Variants in PLCL1 observed in about 807,000 individuals in gnomAD.
PLCL1 encodes the protein phospholipase C like 1 (inactive).
A neutral mutation model predicts 84.4 loss-of-function variants in PLCL1; 41 were observed. That is an observed-to-expected ratio of 0.49 (90% CI 0.38 to 0.63). The LOEUF is 0.63. PLCL1 is among the 30% of genes least tolerant of loss of function. PLCL1 has a pLI of 0.00. For missense variants in PLCL1, 1,206 were observed against 1,367.8 expected (o/e 0.88, Z 1.87); for synonymous variants, 490 against 488.3 (o/e 1.00, Z -0.05).
chr2:198,006,347 A>C (rs2105825423), intron 1 of PLCL1, among the ~76,000 whole-genome samples: 1 of 152,296 alleles, frequency 6.6e-6, no homozygotes, highest in African/African-American at 2.4e-5. Flanking sequence ...AATTTTTGGT[A>C]CAATAGGGTA....
At chr2:198,040,022 T>C (rs1194656915) in intron 1 of PLCL1, among the ~76,000 whole-genome samples, 1 of 152,200 alleles carries the variant, frequency 6.6e-6, no homozygotes, top group South Asian at 2.1e-4. Flanking sequence ...TAGATCAGAT[T>C]TGGACATTTT....
At chr2:198,100,660 A>T (rs763884788) in intron 3 of PLCL1, among the ~76,000 whole-genome samples, 3 of 152,104 alleles carry the variant, frequency 2.0e-5, no homozygotes, top group African/African-American at 7.2e-5. Flanking sequence ...GTAGTTTTGG[A>T]TGATGATTCT....
At chr2:197,880,942 T>A (rs893185434) in intron 1 of PLCL1, among the ~76,000 whole-genome samples, 2 of 152,242 alleles carry the variant, frequency 1.3e-5, no homozygotes, top group Non-Finnish European at 2.9e-5. Flanking sequence ...TATGCCCATC[T>A]GAAAATGTCT....
At chr2:197,890,772 A>G (rs1454088905) in intron 1 of PLCL1, among the ~76,000 whole-genome samples, 1 of 146,688 alleles carries the variant, frequency 6.8e-6, no homozygotes, top group African/African-American at 2.5e-5. Flanking sequence ...ACATATATAC[A>G]CATATATATG....
chr2:197,890,643 T>C (rs1458038031), intron 1 of PLCL1, among the ~76,000 whole-genome samples: 2 of 148,900 alleles, frequency 1.3e-5, no homozygotes, highest in African/African-American at 2.5e-5. Context: ...TCCAGGATCA[T>C]TATAGACTTA....
intron 5 of PLCL1, among the ~76,000 whole-genome samples, chr2:198,105,632 G>A (rs1693457735): frequency 6.6e-6 from 1 of 151,300 alleles, no homozygotes; most frequent in Non-Finnish European, 1.5e-5. Flanking sequence ...GTGTGTGTGT[G>A]TGTGTGTTTA....
rs112582985 is a variant in PLCL1 at position 197,881,521 on chromosome 2, C to CTGTGTGTGTGTGTGTGTG, written c.240+76183_240+76200dup. On this transcript the variant is annotated intron_variant, in intron 1 of 5. Coordinates refer to ENST00000428675, the MANE Select transcript of PLCL1 (RefSeq NM_006226.4). ...TCTGTCTGGAAGAAGGAACAGTGCT[C>CTGTGTGTGTGTGTGTGTG]TGTGTGTGTGTGTGTGTGAGCTAGT... Among the ~76,000 whole-genome samples the CTGTGTGTGTGTGTGTGTG allele has an allele frequency of 1.6e-3, 248 of 151,014 alleles. 1 individual carries two copies. Among genetic ancestry groups the CTGTGTGTGTGTGTGTGTG allele is most frequent in the African/African-American group, 5.8e-3 (237 of 41,144 alleles).
At chr2:197,833,053 A>G (rs1691104194) in intron 1 of PLCL1, among the ~76,000 whole-genome samples, 1 of 152,210 alleles carries the variant, frequency 6.6e-6, no homozygotes, top group Non-Finnish European at 1.5e-5. Context: ...GGATACAAAA[A>G]TTAGCTAGGC....
intron 1 of PLCL1, among the ~76,000 whole-genome samples, chr2:197,939,258 G>A (rs190579916): frequency 3.7e-4 from 56 of 152,204 alleles, no homozygotes; most frequent in African/African-American, 1.3e-3. Context: ...CAGATTTTAG[G>A]ATACCTACAG....
chr2:197,943,673 C>T (rs1455732880), intron 1 of PLCL1, among the ~76,000 whole-genome samples: 3 of 131,638 alleles, frequency 2.3e-5, no homozygotes, highest in East Asian at 2.2e-4. Flanking sequence ...TACATAAGTG[C>T]TTTCCAGTGT....
At chr2:198,008,371 TCTC>T (rs1690782528) in intron 1 of PLCL1, among the ~76,000 whole-genome samples, 1 of 152,170 alleles carries the variant, frequency 6.6e-6, no homozygotes, top group Non-Finnish European at 1.5e-5. Context: ...CATTTCTCCT[TCTC>T]CTCAGACCCT....
At chr2:198,055,594 A>G (rs972309707) in intron 1 of PLCL1, among the ~76,000 whole-genome samples, 1 of 151,200 alleles carries the variant, frequency 6.6e-6, no homozygotes, top group African/African-American at 2.4e-5. Flanking sequence ...CTTCTAAAAT[A>G]TGATGAGGTG....
intron 1 of PLCL1, among the ~76,000 whole-genome samples, chr2:197,990,780 T>G (rs1057439574): frequency 2.0e-5 from 3 of 152,136 alleles, no homozygotes; most frequent in African/African-American, 7.2e-5. Context: ...CTCTAACAGT[T>G]TAGACTGATG....
chr2:198,005,941 T>G (rs944531151), intron 1 of PLCL1, among the ~76,000 whole-genome samples: 2 of 152,360 alleles, frequency 1.3e-5, no homozygotes, highest in East Asian at 3.9e-4. Context: ...ACACAGTTAA[T>G]GTGTGAATAT....
At chr2:198,130,936 C>T (rs189087803) in intron 5 of PLCL1, among the ~76,000 whole-genome samples, 2 of 152,106 alleles carry the variant, frequency 1.3e-5, no homozygotes, top group Non-Finnish European at 2.9e-5. Flanking sequence ...TGGCCATTCT[C>T]CCTTCCTAAA....
intron 1 of PLCL1, among the ~76,000 whole-genome samples, chr2:197,990,057 T>C (rs1690307693): frequency 6.6e-6 from 1 of 152,292 alleles, no homozygotes; most frequent in East Asian, 1.9e-4. Flanking sequence ...CCTATGGAAG[T>C]CACCTTATAT....
intron 1 of PLCL1, chr2:198,001,939 C>T: frequency 2.4e-6 from 1 of 421,662 alleles, no homozygotes; most frequent in South Asian, 1.7e-5. Context: ...TCACTGTCTC[C>T]TATCACCCCC....
intron 1 of PLCL1, among the ~76,000 whole-genome samples, chr2:198,039,016 A>G (rs890700002): frequency 2.8e-4 from 43 of 152,150 alleles, no homozygotes; most frequent in Non-Finnish European, 5.9e-5. Flanking sequence ...TTGAAATACT[A>G]AAAGCCCTTA....
intron 5 of PLCL1, among the ~76,000 whole-genome samples, chr2:198,126,775 C>T (rs1345278797): frequency 6.6e-6 from 1 of 151,998 alleles, no homozygotes; most frequent in Non-Finnish European, 1.5e-5. Flanking sequence ...CATGGTGGCA[C>T]ATATCTATAG....
Sources: gnomAD v4.1 joint callset for allele counts (sites outside exome capture counted in the v4.1 genomes callset) on GRCh38, gnomAD v4.1.1 for gene constraint, MANE v1.5 for transcripts, NCBI Gene and HGNC (gene_info 2026-07-23, HGNC 2026-07-21) for gene names.